USH2A: variants seen among roughly 807,000 people sequenced by gnomAD.
USH2A encodes usherin.
A neutral mutation model predicts 538.9 loss-of-function variants in USH2A; 443 were observed. The ratio of observed to expected loss-of-function variants is 0.82; its 90% CI spans 0.76 to 0.89. USH2A has a LOEUF of 0.89. Among genes scored for constraint, USH2A ranks in the 40% least tolerant of loss-of-function variants. The pLI is 0.00. For missense variants in USH2A, 6,633 were observed against 6,324.8 expected, an observed-to-expected ratio of 1.05 and a Z score of -1.65; for synonymous variants, 2,413 against 2,273.5, an observed-to-expected ratio of 1.06 and a Z score of -1.75.
At chr1:216,321,813 G>A in intron 9 of USH2A, 70 bp downstream of exon 9, 1 of 1,352,972 alleles carries the variant, frequency 7.4e-7, no homozygotes, top group Admixed American at 1.7e-5. Context: ...CCAAGATTAA[G>A]TTCATAGAAT....
chr1:215,839,134 G>T (rs1242296465), intron 46 of USH2A, among the ~76,000 whole-genome samples: 1 of 152,074 alleles, frequency 6.6e-6, no homozygotes, highest in East Asian at 1.9e-4. Context: ...GTCTTTTGAG[G>T]TATTAATAGT....
Position 215,885,343 on chromosome 1 carries a change from T to G in USH2A, c.8223+3083A>C, listed in dbSNP as rs549567318. 3.9e-4 allele frequency among the ~76,000 whole-genome samples: 60 copies of G among 152,312 alleles called. 1 individual carries two copies. The South Asian group carries it at 0.011, about 29-fold the overall frequency. ...AAAATGAAATCAATTTGTCCTTGTA[T>G]ATCATTCTTTTAATATACTGCTTAA... On this transcript the variant is annotated intron_variant, in intron 41 of 71. Transcript: ENST00000307340.
chr1:216,001,032 T>G (rs1009116460), intron 32 of USH2A, among the ~76,000 whole-genome samples: 4 of 152,182 alleles, frequency 2.6e-5, no homozygotes, highest in Non-Finnish European at 4.4e-5. Flanking sequence ...CTGACTATTA[T>G]TTGACCTTCA....
chr1:216,088,029 C>T (rs1168938141), intron 23 of USH2A, among the ~76,000 whole-genome samples: 1 of 152,142 alleles, frequency 6.6e-6, no homozygotes, highest in Non-Finnish European at 1.5e-5. Flanking sequence ...CCTCTGTGAC[C>T]TTATGTCATG....
intron 19 of USH2A, among the ~76,000 whole-genome samples, chr1:216,190,931 A>G (rs976456007): frequency 6.6e-6 from 1 of 152,112 alleles, no homozygotes; most frequent in Non-Finnish European, 1.5e-5. Flanking sequence ...TTATATAAAC[A>G]AACATATAAA....
chr1:215,817,043 T>G lies in USH2A; in HGVS notation c.9524A>C (p.Lys3175Thr). The change falls in exon 48 of 72, where the codon AAA becomes ACA. Residue 3175 changes from lysine (K) to threonine (T), a missense_variant. Physicochemically the swap from Lys to Thr is moderately conservative, Grantham distance 78. Transcript: ENST00000307340. Reference protein sequence around the residue: ...DELCKAVRCQKPESICGHICY... With the variant: ...DELCKAVRCQTPESICGHICY... ...AATGTGTCCACAGATAGATTCAGGT[T>G]TTTGACACCTCACTGCCTTGCAGAG... 6.2e-7 allele frequency: 1 copy of G among 1,612,722 alleles called. No homozygotes were observed. The highest frequency in any genetic ancestry group is 8.5e-7 in the Non-Finnish European group (1 of 1,178,990).
chr1:215,643,229 G>A (rs767246553), intron 67 of USH2A, among the ~76,000 whole-genome samples: 5 of 151,976 alleles, frequency 3.3e-5, no homozygotes, highest in South Asian at 2.1e-4. Flanking sequence ...AACTCCTGAC[G>A]TCAAGTGATC....
At chr1:216,271,710 G>A (rs1385147451) in intron 11 of USH2A, among the ~76,000 whole-genome samples, 1 of 151,962 alleles carries the variant, frequency 6.6e-6, no homozygotes, top group Non-Finnish European at 1.5e-5. Flanking sequence ...TAGGCAGAGG[G>A]TATTTATCAT....
Position 215,790,226 on chromosome 1 carries a change from C to A in USH2A, c.10015G>T (p.Ala3339Ser). 6.2e-7 allele frequency: 1 copy of A among 1,614,078 alleles called. No homozygotes were observed. Among genetic ancestry groups the A allele is most frequent in the Non-Finnish European group, 8.5e-7 (1 of 1,180,008 alleles). Residue 3339 changes from alanine (A) to serine (S), a missense_variant, in exon 51 of 72, where the codon GCT (alanine) becomes TCT (serine). Ala to Ser is a moderately conservative substitution (Grantham distance 99). Transcript: ENST00000307340. Reference sequence around the variant, plus strand: ...TGTGCTTTAGACTCTCCACTGGAAGCTGAGCAGCATATGGTATCTGACATA... The same window carrying A: ...TGTGCTTTAGACTCTCCACTGGAAGATGAGCAGCATATGGTATCTGACATA... ...VNMSDTICCS[A>S]SSGESKAHIK...
intron 31 of USH2A, among the ~76,000 whole-genome samples, chr1:216,048,198 A>T (rs1239214588): frequency 6.6e-6 from 1 of 152,242 alleles, no homozygotes; most frequent in Non-Finnish European, 1.5e-5. Context: ...GACTGTCTCT[A>T]GATTTACTTC....
At chr1:215,762,444 T>C (rs1558087115) in intron 56 of USH2A, among the ~76,000 whole-genome samples, 1 of 152,176 alleles carries the variant, frequency 6.6e-6, no homozygotes, top group Non-Finnish European at 1.5e-5. Flanking sequence ...TGGGTTTGTT[T>C]CAACCTTTAG....
chr1:215,977,906 G>A lies in USH2A; in HGVS notation c.6806-7130C>T, dbSNP rs137869732. On this transcript the variant is annotated intron_variant, in intron 35 of 71. Coordinates refer to ENST00000307340, the MANE Select transcript of USH2A (RefSeq NM_206933.4). ...TTTGAGAAGCCAAGGCAAGTGAATCGCTTGAGTCTAGGAGTTCGAGACCAG... is the reference window on the plus strand; with the variant it reads ...TTTGAGAAGCCAAGGCAAGTGAATCACTTGAGTCTAGGAGTTCGAGACCAG... 3.7e-3 allele frequency among the ~76,000 whole-genome samples: 557 copies of A among 152,224 alleles called. 1 individual carries two copies. Among genetic ancestry groups the A allele is most frequent in the Non-Finnish European group, 6.3e-3 (431 of 68,010 alleles).
At chr1:216,383,238 A>G (rs964277653) in intron 3 of USH2A, among the ~76,000 whole-genome samples, 1 of 152,162 alleles carries the variant, frequency 6.6e-6, no homozygotes, top group Admixed American at 6.5e-5. Flanking sequence ...CATCATCCAG[A>G]CATTGTTCAT....
At chr1:216,102,521 C>G (rs749761445) in intron 21 of USH2A, among the ~76,000 whole-genome samples, 1 of 152,066 alleles carries the variant, frequency 6.6e-6, no homozygotes, top group Non-Finnish European at 1.5e-5. Flanking sequence ...ACTTGTGGGC[C>G]GGGCACAGTG....
At chr1:216,332,002 T>C (rs1048431488) in intron 4 of USH2A, among the ~76,000 whole-genome samples, 5 of 152,118 alleles carry the variant, frequency 3.3e-5, no homozygotes, top group Non-Finnish European at 7.4e-5. Context: ...TGACTGAATA[T>C]TGGTAAGAAC....
intron 11 of USH2A, among the ~76,000 whole-genome samples, chr1:216,280,895 A>G (rs947063671): frequency 6.6e-6 from 1 of 152,158 alleles, no homozygotes; most frequent in African/African-American, 2.4e-5. Flanking sequence ...ACTACTGCCT[A>G]ATTTCCTTGT....
chr1:215,897,562 A>G (rs1159801075), intron 40 of USH2A, among the ~76,000 whole-genome samples: 1 of 151,906 alleles, frequency 6.6e-6, no homozygotes, highest in Non-Finnish European at 1.5e-5. Context: ...GGTGGTGGGC[A>G]TCTGTAATCC....
At chr1:215,779,732 G>T (rs555749613) in intron 55 of USH2A, 111 bp downstream of exon 55, 3 of 1,298,932 alleles carry the variant, frequency 2.3e-6, no homozygotes, top group Non-Finnish European at 3.2e-6. Context: ...AAGAGAACAC[G>T]TCCTTTCGAA....
chr1:215,900,775 G>C lies in USH2A; in HGVS notation c.7431C>G (p.Asp2477Glu), dbSNP rs1558151881. 3.7e-6 allele frequency: 6 copies of C among 1,613,694 alleles called. No individual in the cohort carries two copies. The highest frequency in any genetic ancestry group is 5.1e-6 in the Non-Finnish European group (6 of 1,179,746). ...CTCACTCTAGAAATCCATGGGTGGA[G>C]TCGCCAGACCTCATCTGGAGTTGGT... ...PRYQLQMRSG[D>E]STHGFLELFS... Residue 2477 changes from aspartate to glutamate, a missense_variant, in exon 39 of 72, where the codon GAC becomes GAG. Coordinates refer to ENST00000307340, the MANE Select transcript of USH2A (RefSeq NM_206933.4).
Sources: allele counts gnomAD v4.1 joint callset (sites outside exome capture counted in the v4.1 genomes callset), GRCh38; gene constraint gnomAD v4.1.1; transcripts MANE v1.5; gene names NCBI Gene and HGNC (gene_info 2026-07-23, HGNC 2026-07-21).